Variants in TMED10 observed in about 807,000 individuals in gnomAD.
TMED10 encodes transmembrane p24 trafficking protein 10.
A neutral mutation model predicts 23.1 loss-of-function variants in TMED10; 7 were observed. That is an observed-to-expected ratio of 0.30 (90% CI 0.17 to 0.57). TMED10 has a LOEUF of 0.57. Among genes scored for constraint, TMED10 ranks in the 20% least tolerant of loss-of-function variants. TMED10 has a pLI of 0.91. For missense variants in TMED10, 162 were observed against 274.8 expected (o/e 0.59, Z 2.90); for synonymous variants, 113 against 106.9 (o/e 1.06, Z -0.35).
chr14:75,172,933 T>C (rs978606150), intron 1 of TMED10, among the ~76,000 whole-genome samples: 1 of 152,130 alleles, frequency 6.6e-6, no homozygotes, highest in African/African-American at 2.4e-5. Context: ...ACCATTTTAT[T>C]GAGGAAAATG....
chr14:75,165,331 G>A (rs909348818), intron 1 of TMED10, among the ~76,000 whole-genome samples: 12 of 151,954 alleles, frequency 7.9e-5, no homozygotes, highest in African/African-American at 2.7e-4. Context: ...AGGTTCAAGC[G>A]ATTCTCCTGC....
intron 1 of TMED10, among the ~76,000 whole-genome samples, chr14:75,155,837 T>A (rs974679791): frequency 1.3e-5 from 2 of 152,218 alleles, no homozygotes; most frequent in African/African-American, 4.8e-5. Context: ...GGCATTATCA[T>A]ATTACTAATA....
chr14:75,166,691 CT>C (rs1368494469), intron 1 of TMED10, among the ~76,000 whole-genome samples: 11 of 152,108 alleles, frequency 7.2e-5, no homozygotes, highest in Non-Finnish European at 1.6e-4. Context: ...AAGCTAGGAA[CT>C]TTGTATATAA....
chr14:75,146,321 C>G (rs2139838929), intron 3 of TMED10, among the ~76,000 whole-genome samples: 1 of 152,316 alleles, frequency 6.6e-6, no homozygotes, highest in South Asian at 2.1e-4. Flanking sequence ...TTCCAATCTT[C>G]TTCCATTTTA....
intron 3 of TMED10, among the ~76,000 whole-genome samples, chr14:75,139,700 A>C (rs1366078939): frequency 1.3e-5 from 2 of 151,776 alleles, no homozygotes; most frequent in Admixed American, 6.6e-5. Flanking sequence ...TCAGACCTTC[A>C]TTAGTGGGAT....
intron 3 of TMED10, among the ~76,000 whole-genome samples, chr14:75,138,858 G>A (rs764338477): frequency 1.5e-5 from 2 of 134,608 alleles, no homozygotes; most frequent in African/African-American, 5.8e-5. Flanking sequence ...GTTGTTAAAG[G>A]ACAATAGTCC....
In TMED10 at chr14:75,131,944, T is replaced by C. The variant is rs1036227629; in HGVS notation, c.*2941A>G. The C allele has an allele frequency of 2.6e-5, 4 of 152,280 alleles. No individual in the cohort carries two copies. The highest frequency in any genetic ancestry group is 9.7e-5 in the African/African-American group (4 of 41,168). The allele number at this position is 152,280 out of a possible 1,614,324, so 9.4% of individuals were successfully genotyped here. On this transcript the variant is annotated 3_prime_UTR_variant, in exon 5 of 5. Coordinates refer to ENST00000303575, the MANE Select transcript of TMED10 (RefSeq NM_006827.6). ...ATCAACGAAATAAAATATTCTCTTCTCCTATCTTCTTGACATTTTGTCACA... is the reference window on the plus strand; with the variant it reads ...ATCAACGAAATAAAATATTCTCTTCCCCTATCTTCTTGACATTTTGTCACA...
intron 1 of TMED10, 123 bp downstream of exon 1, chr14:75,176,232 T>G: frequency 8.0e-7 from 1 of 1,256,298 alleles, no homozygotes; most frequent in Non-Finnish European, 1.1e-6. Context: ...CGCACGTCCT[T>G]TGCGCTCCCG....
intron 1 of TMED10, among the ~76,000 whole-genome samples, chr14:75,153,315 TA>T (rs376195670): frequency 5.9e-4 from 85 of 143,778 alleles, no homozygotes; most frequent in Middle Eastern, 3.5e-3. Flanking sequence ...AAATTTATCC[TA>T]AAAAAAAAAA....
intron 3 of TMED10, 24 bp downstream of exon 3, chr14:75,147,640 T>C (rs1895903290): frequency 6.2e-7 from 1 of 1,613,418 alleles, no homozygotes; most frequent in African/African-American, 1.3e-5. Flanking sequence ...TGCTGCCTCC[T>C]CTGGCTGTTA....
chr14:75,154,436 G>GT (rs1273646800), intron 1 of TMED10, among the ~76,000 whole-genome samples: 8 of 63,142 alleles, frequency 1.3e-4, no homozygotes, highest in Non-Finnish European at 2.7e-4. Flanking sequence ...AAAAAGGCAT[G>GT]TATCACTGGA....
chr14:75,145,185 G>A (rs754835841), intron 3 of TMED10, among the ~76,000 whole-genome samples: 7 of 152,182 alleles, frequency 4.6e-5, no homozygotes, highest in South Asian at 4.1e-4. Flanking sequence ...AACTACATGC[G>A]TAAAGGCAGG....
chr14:75,142,018 TTC>T (rs1318298548), intron 3 of TMED10, among the ~76,000 whole-genome samples: 2 of 152,202 alleles, frequency 1.3e-5, no homozygotes, highest in Non-Finnish European at 2.9e-5. Context: ...AATTCCCACT[TTC>T]TGTTGTTCTG....
chr14:75,134,711 A>T lies in TMED10; in HGVS notation c.*174T>A. The stretch of plus-strand genomic sequence containing the variant: ...CAAATTAAAAAGAAGTCCCTCATTG[A>T]CTTGTTGGGTGTAGGTGGTACCCCA... On this transcript the variant is annotated 3_prime_UTR_variant, in exon 5 of 5. Coordinates refer to ENST00000303575, the MANE Select transcript of TMED10 (RefSeq NM_006827.6). 1.4e-6 allele frequency: 1 copy of T among 725,824 alleles called. No homozygotes were observed. Among genetic ancestry groups the T allele is most frequent in the Non-Finnish European group, 2.2e-6 (1 of 456,854 alleles). 45.0% of individuals were successfully genotyped at this position (725,824 alleles called of 1,614,324 possible).
rs1485070655 is a variant in TMED10, at chr14:75,144,500, ATTGTG to A, written c.411+3159_411+3163del. Among the ~76,000 whole-genome samples the A allele has an allele frequency of 3.7e-4, 57 of 152,202 alleles. 1 individual carries two copies. Among genetic ancestry groups the A allele is most frequent in the South Asian group, 1.0e-3 (5 of 4,832 alleles). On this transcript the variant is annotated intron_variant, in intron 3 of 4. Transcript: ENST00000303575. ...CCAAATAATATCATCTTACATTTGT[ATTGTG>A]TTACATAGCAATTTCACATGGATTA...
At chr14:75,168,755 T>A (rs1314922130) in intron 1 of TMED10, among the ~76,000 whole-genome samples, 1 of 152,212 alleles carries the variant, frequency 6.6e-6, no homozygotes, top group African/African-American at 2.4e-5. Flanking sequence ...AAGACTAAGA[T>A]GTTTAACTCA....
rs1895723078 is a variant in TMED10 at position 75,134,376 on chromosome 14, A to G, written c.*509T>C. 1 of 154,874 alleles carries G rather than the reference A, an allele frequency of 6.5e-6. No homozygotes were observed. The highest frequency in any genetic ancestry group is 2.4e-5 in the African/African-American group (1 of 41,474). The allele number at this position is 154,874 out of a possible 1,614,324, so 9.6% of individuals were successfully genotyped here. On this transcript the variant is annotated 3_prime_UTR_variant, in exon 5 of 5. Coordinates refer to ENST00000303575, the MANE Select transcript of TMED10 (RefSeq NM_006827.6). ...TTAAGAGATATAAAATCATGAAAAG[A>G]TATCACCAGAAGCTATGTAAACATT...
intron 1 of TMED10, among the ~76,000 whole-genome samples, chr14:75,162,039 C>A (rs1050198830): frequency 6.6e-6 from 1 of 151,386 alleles, no homozygotes; most frequent in Non-Finnish European, 1.5e-5. Context: ...GGGTGGGGGG[C>A]AGATCATTTA....
At chr14:75,170,963 C>A (rs544425779) in intron 1 of TMED10, among the ~76,000 whole-genome samples, 2 of 152,080 alleles carry the variant, frequency 1.3e-5, no homozygotes, top group South Asian at 4.1e-4. Flanking sequence ...TATTACCACC[C>A]GGGTAGAGAA....
Sources: allele counts gnomAD v4.1 joint callset (sites outside exome capture counted in the v4.1 genomes callset), GRCh38; gene constraint gnomAD v4.1.1; transcripts MANE v1.5; gene names NCBI Gene and HGNC (gene_info 2026-07-23, HGNC 2026-07-21).